REPS2: variants seen among roughly 807,000 people sequenced by gnomAD.
The protein encoded by REPS2 is ralBP1-associated Eps domain-containing protein 2.
In REPS2, 23 loss-of-function variants were observed where a neutral mutation model predicts 53.6. That is an observed-to-expected ratio of 0.43 (90% CI 0.31 to 0.61). The LOEUF is 0.61. REPS2 is among the 20% of genes least tolerant of loss of function. The pLI is 0.11. For missense variants in REPS2, 446 were observed against 534.9 expected (o/e 0.83, Z 1.64); for synonymous variants, 238 against 218.6 (o/e 1.09, Z -0.78).
At chrX:17,164,620 A>G in the REPS2 span, among the ~76,000 whole-genome samples, 1 of 112,090 alleles carries the variant, frequency 8.9e-6, no homozygotes, top group Admixed American at 9.5e-5. Flanking sequence ...TGAAGCAAGA[A>G]ATAGACAATA....
At chrX:16,968,641 G>A (rs1364387383) in intron 1 of REPS2, among the ~76,000 whole-genome samples, 43 of 100,068 alleles carry the variant, frequency 4.3e-4, no homozygotes, top group Admixed American at 3.4e-3. Context: ...CTGGCCGGGC[G>A]GGGGGCTGAC....
intron 12 of REPS2, chrX:17,074,364 G>A (rs1019877986): frequency 1.1e-4 from 43 of 374,726 alleles, no homozygotes; most frequent in African/African-American, 9.9e-4. Context: ...AGTGCTAGAA[G>A]GTGACCATGA....
the REPS2 span, among the ~76,000 whole-genome samples, chrX:17,169,350 C>T: frequency 8.9e-6 from 1 of 111,763 alleles, no homozygotes; most frequent in Admixed American, 9.5e-5. Flanking sequence ...CTTTGAATGC[C>T]ATCCTAAAGA....
chrX:17,015,296 T>C (rs774578117), intron 2 of REPS2, among the ~76,000 whole-genome samples: 2 of 112,946 alleles, frequency 1.8e-5, no homozygotes, highest in South Asian at 7.2e-4. Flanking sequence ...GTGTAAAATA[T>C]TTTCTGTTAA....
intron 1 of REPS2, among the ~76,000 whole-genome samples, chrX:16,956,388 G>C (rs1405827986): frequency 9.9e-6 from 1 of 101,293 alleles, no homozygotes; most frequent in Admixed American, 1.1e-4. Flanking sequence ...TGCAACCTGT[G>C]CCTCCTGGGC....
chrX:16,946,729 GGGTGGTGGTGGCGGCGGC>G lies in REPS2; in HGVS notation c.-124_-107del, dbSNP rs1602464536. 3 of 668,627 alleles carry G rather than the reference GGGTGGTGGTGGCGGCGGC, an allele frequency of 4.5e-6. No homozygotes were observed. The highest frequency in any genetic ancestry group is 2.9e-5 in the African/African-American group (1 of 34,870). 55.1% of individuals were successfully genotyped at this position (668,627 alleles called of 1,213,427 possible). ...GCCGCGCGGCAGCTGCGGGGCGTGG[GGGTGGTGGTGGCGGCGGC>G]GGTGGTGGCGGCGGCGGCGGCGGCG... On this transcript the variant is annotated 5_prime_UTR_variant, in exon 1 of 18. Coordinates refer to ENST00000357277, the MANE Select transcript of REPS2 (RefSeq NM_004726.3).
intron 5 of REPS2, among the ~76,000 whole-genome samples, chrX:17,038,447 C>G (rs1440145777): frequency 8.9e-6 from 1 of 111,903 alleles, no homozygotes; most frequent in Non-Finnish European, 1.9e-5. Flanking sequence ...GAGAGCTTTG[C>G]TTCTGTCACA....
intron 8 of REPS2, among the ~76,000 whole-genome samples, chrX:17,056,019 CA>C (rs1331356576): frequency 7.4e-5 from 8 of 108,267 alleles, no homozygotes; most frequent in Non-Finnish European, 1.2e-4. Flanking sequence ...AACAAACAAA[CA>C]AAAAAAAAAA....
At chrX:16,948,735 A>G (rs934060978) in intron 1 of REPS2, among the ~76,000 whole-genome samples, 12 of 111,915 alleles carry the variant, frequency 1.1e-4, no homozygotes, top group Non-Finnish European at 2.1e-4. Context: ...TGAGGTACAT[A>G]TAGTTTTAAA....
intron 1 of REPS2, among the ~76,000 whole-genome samples, chrX:17,005,019 A>G (rs997666959): frequency 1.8e-5 from 2 of 111,603 alleles, no homozygotes; most frequent in Non-Finnish European, 3.8e-5. Flanking sequence ...TAATATTAGG[A>G]GTTATTTTGC....
chrX:17,063,938 A>G (rs1221498581), intron 9 of REPS2, among the ~76,000 whole-genome samples: 3 of 110,759 alleles, frequency 2.7e-5, no homozygotes, highest in Non-Finnish European at 5.7e-5. Flanking sequence ...ACACACACAC[A>G]CACACACACA....
chrX:17,161,462 A>G, the REPS2 span, among the ~76,000 whole-genome samples: 1 of 111,500 alleles, frequency 9.0e-6, no homozygotes, highest in South Asian at 3.8e-4. Flanking sequence ...AACCATAAGG[A>G]ACTGAGAAAG....
rs1034119176 is a variant in REPS2, at chrX:16,962,684, G to A, written c.273+15550G>A. Among the ~76,000 whole-genome samples the A allele has an allele frequency of 2.7e-5, 3 of 111,871 alleles. No individual in the cohort carries two copies. In the Admixed American group the frequency reaches 2.9e-4, roughly 11 times the overall value. On this transcript the variant is annotated intron_variant, in intron 1 of 17. Transcript: ENST00000357277. ...GCTCTTACCTCTTCTCCCCACAAAG[G>A]TAACTATGGAAGGTGATGAGTATGT...
intron 1 of REPS2, among the ~76,000 whole-genome samples, chrX:16,962,598 A>G (rs886281034): frequency 9.0e-6 from 1 of 111,607 alleles, no homozygotes; most frequent in African/African-American, 3.3e-5. Context: ...GTACAGCAGG[A>G]GGACTATAGT....
At chrX:17,111,053 G>T (rs1361082768) in intron 14 of REPS2, among the ~76,000 whole-genome samples, 3 of 111,756 alleles carry the variant, frequency 2.7e-5, no homozygotes, top group Admixed American at 1.9e-4. Flanking sequence ...GAGCATTTTG[G>T]ATTTTGTATT....
chrX:17,008,966 C>T (rs1266822511), intron 2 of REPS2, among the ~76,000 whole-genome samples: 1 of 111,326 alleles, frequency 9.0e-6, no homozygotes, highest in Non-Finnish European at 1.9e-5. Context: ...TCCTGGATTC[C>T]TCCTTTTCCC....
intron 1 of REPS2, among the ~76,000 whole-genome samples, chrX:16,973,238 C>T (rs982272199): frequency 1.8e-5 from 2 of 111,716 alleles, no homozygotes; most frequent in Admixed American, 1.9e-4. Flanking sequence ...TGACATTTAC[C>T]TTGATTCCTT....
intron 13 of REPS2, among the ~76,000 whole-genome samples, chrX:17,087,792 A>T (rs2062557132): frequency 9.0e-6 from 1 of 110,535 alleles, no homozygotes; most frequent in African/African-American, 3.3e-5. Flanking sequence ...AAAATTAGCC[A>T]GGCGTGGTGA....
intron 1 of REPS2, among the ~76,000 whole-genome samples, chrX:16,986,673 A>C (rs1333896055): frequency 1.8e-5 from 2 of 111,453 alleles, no homozygotes; most frequent in South Asian, 3.8e-4. Flanking sequence ...AAGTGACCTC[A>C]CTAGAAGTGA....
Sources: gnomAD v4.1 joint callset for allele counts (sites outside exome capture counted in the v4.1 genomes callset) on GRCh38, gnomAD v4.1.1 for gene constraint, MANE v1.5 for transcripts, NCBI Gene and HGNC (gene_info 2026-07-23, HGNC 2026-07-21) for gene names.